Variants in QSOX2 observed in about 807,000 individuals in gnomAD.
QSOX2 encodes sulfhydryl oxidase 2.
In QSOX2, 46 loss-of-function variants were observed where a neutral mutation model predicts 61.7. The ratio of observed to expected loss-of-function variants is 0.75; its 90% CI spans 0.59 to 0.95. The LOEUF (loss-of-function observed/expected upper bound fraction) is 0.95, where lower values mean the gene tolerates loss of function less well. QSOX2 is among the 40% of genes least tolerant of loss of function. The pLI, the probability that QSOX2 is intolerant of heterozygous loss-of-function variation, is 0.00. For missense variants in QSOX2, 879 were observed against 918.9 expected, an observed-to-expected ratio of 0.96 and a Z score of 0.56; for synonymous variants, 383 against 388.4, an observed-to-expected ratio of 0.99 and a Z score of 0.16.
intron 1 of QSOX2, among the ~76,000 whole-genome samples, chr9:136,237,441 C>CCTG (rs1588641424): frequency 2.0e-5 from 3 of 150,050 alleles, no homozygotes; most frequent in Admixed American, 6.6e-5. Flanking sequence ...CCGTCCTGTG[C>CCTG]CACACCTGGA....
intron 7 of QSOX2, 54 bp downstream of exon 7, chr9:136,218,976 C>A (rs1006708210): frequency 3.1e-6 from 5 of 1,597,012 alleles, no homozygotes; most frequent in Admixed American, 3.4e-5. Context: ...AAGCACGCAG[C>A]CTTCGGTCTA....
At chr9:136,242,557 C>G (rs1830441208) in intron 1 of QSOX2, among the ~76,000 whole-genome samples, 1 of 152,274 alleles carries the variant, frequency 6.6e-6, no homozygotes. Context: ...CATAAGAAAA[C>G]ATGAGAATGT....
At chr9:136,215,377 G>A in intron 9 of QSOX2, 73 bp from the exon 10 acceptor site, 1 of 1,235,902 alleles carries the variant, frequency 8.1e-7, no homozygotes. Context: ...GTCGACAGCT[G>A]CCTTCTTGAC....
Position 136,221,960 on chromosome 9 carries a change from A to G in QSOX2, c.676-19T>C, listed in dbSNP as rs1830220226. 1 of 1,559,360 alleles carries G rather than the reference A, an allele frequency of 6.4e-7. No homozygotes were observed. Among genetic ancestry groups the G allele is most frequent in the African/African-American group, 1.4e-5 (1 of 73,010 alleles). On this transcript the variant is annotated intron_variant, in intron 5 of 11. Coordinates refer to ENST00000358701, the MANE Select transcript of QSOX2 (RefSeq NM_181701.4). The surrounding 1 kb of genome is among the most constrained non-coding windows in gnomAD (Gnocchi z 4.5). The stretch of plus-strand genomic sequence containing the variant: ...AGATCACCTGGGGGATGAGAACACA[A>G]TGACACTTCCACAGGGGCTGGCAGT...
chr9:136,230,665 G>T (rs1372001125), intron 1 of QSOX2, among the ~76,000 whole-genome samples: 1 of 152,196 alleles, frequency 6.6e-6, no homozygotes, highest in Non-Finnish European at 1.5e-5. Context: ...AATGTCTGCT[G>T]GTTGTTTCTA....
chr9:136,212,937 G>A (rs766383353), intron 10 of QSOX2, among the ~76,000 whole-genome samples: 8 of 152,210 alleles, frequency 5.3e-5, no homozygotes, highest in Non-Finnish European at 7.3e-5. Context: ...GCTGATGGGC[G>A]GAAGGAGCGC....
intron 1 of QSOX2, among the ~76,000 whole-genome samples, chr9:136,230,018 C>T (rs531030870): frequency 6.6e-6 from 1 of 151,862 alleles, no homozygotes; most frequent in Non-Finnish European, 1.5e-5. Flanking sequence ...TGGTGGCTCA[C>T]GCCTGTAATC....
At chr9:136,239,469 C>A (rs12551684) in intron 1 of QSOX2, among the ~76,000 whole-genome samples, 1 of 152,224 alleles carries the variant, frequency 6.6e-6, no homozygotes, top group Non-Finnish European at 1.5e-5. Flanking sequence ...TGTTGACTGT[C>A]TGCTACTCCC....
chr9:136,234,534 T>C (rs1039016588), intron 1 of QSOX2, among the ~76,000 whole-genome samples: 3 of 152,170 alleles, frequency 2.0e-5, no homozygotes, highest in African/African-American at 7.2e-5. Context: ...AAATTCTTCT[T>C]GGCCTGACAG....
Position 136,222,125 on chromosome 9 carries a change from C to T in QSOX2, c.676-184G>A, listed in dbSNP as rs776272898. On this transcript the variant is annotated intron_variant, in intron 5 of 11. Coordinates refer to ENST00000358701, the MANE Select transcript of QSOX2 (RefSeq NM_181701.4). The surrounding 1 kb of genome is among the most constrained non-coding windows in gnomAD (Gnocchi z 6.9). ...ACTTTAAGGCAACTGACGGCACACA[C>T]GCCATGAGCAGAAACCACGGTCTTA... Among the ~76,000 whole-genome samples, 13 of 152,194 alleles carry T rather than the reference C, an allele frequency of 8.5e-5. No individual in the cohort carries two copies. Among genetic ancestry groups the T allele is most frequent in the African/African-American group, 2.2e-4 (9 of 41,440 alleles).
intron 9 of QSOX2, among the ~76,000 whole-genome samples, chr9:136,216,024 T>C (rs979322760): frequency 6.6e-6 from 1 of 152,220 alleles, no homozygotes; most frequent in African/African-American, 2.4e-5. Flanking sequence ...GCACGACAAG[T>C]GCACCTTACA....
chr9:136,231,332 T>C (rs1356406108), intron 1 of QSOX2, among the ~76,000 whole-genome samples: 1 of 152,236 alleles, frequency 6.6e-6, no homozygotes, highest in African/African-American at 2.4e-5. Flanking sequence ...GCAGGTGACA[T>C]GCTGCAGCCC....
At chr9:136,243,870 T>C (rs977163881) in intron 1 of QSOX2, among the ~76,000 whole-genome samples, 2 of 152,166 alleles carry the variant, frequency 1.3e-5, no homozygotes, top group African/African-American at 2.4e-5. Context: ...ACAGTCAGCC[T>C]CACTAAAGGA....
intron 1 of QSOX2, among the ~76,000 whole-genome samples, chr9:136,232,518 C>G (rs559233575): frequency 6.6e-6 from 1 of 152,184 alleles, no homozygotes; most frequent in East Asian, 1.9e-4. Context: ...TTATCATTTA[C>G]TACCACAAAA....
chr9:136,238,461 G>A (rs539962185), intron 1 of QSOX2, among the ~76,000 whole-genome samples: 33 of 152,290 alleles, frequency 2.2e-4, no homozygotes, highest in East Asian at 1.2e-3. Context: ...TTTGTTCCCC[G>A]AGGATCCCTC....
In QSOX2 at chr9:136,223,447, A is replaced by T. The variant is rs1417822356; in HGVS notation, c.675+316T>A. ...TAGTAATAATGCATACAAAATACAG[A>T]ATGACCTCAAGGTGAGCTGGGCGTG... On this transcript the variant is annotated intron_variant, in intron 5 of 11. Coordinates refer to ENST00000358701, the MANE Select transcript of QSOX2 (RefSeq NM_181701.4). The surrounding 1 kb of genome is among the most constrained non-coding windows in gnomAD (Gnocchi z 4.4). Among the ~76,000 whole-genome samples the T allele has an allele frequency of 6.6e-6, 1 of 152,130 alleles. No individual in the cohort carries two copies. The highest frequency in any genetic ancestry group is 2.4e-5 in the African/African-American group (1 of 41,422).
chr9:136,215,071 C>T, intron 10 of QSOX2, 83 bp downstream of exon 10: 4 of 1,480,330 alleles, frequency 2.7e-6, no homozygotes, highest in Non-Finnish European at 3.6e-6. Context: ...TCCCATACAG[C>T]AGTACATGCC....
In QSOX2 at chr9:136,221,738, G is replaced by A; in HGVS notation, c.821+58C>T. 1 of 1,510,738 alleles carries A rather than the reference G, an allele frequency of 6.6e-7. No individual in the cohort carries two copies. The highest frequency in any genetic ancestry group is 2.4e-5 in the East Asian group (1 of 42,188). The allele number at this position is 1,510,738 out of a possible 1,614,324, so 93.6% of individuals were successfully genotyped here. On this transcript the variant is annotated intron_variant, in intron 6 of 11. Coordinates refer to ENST00000358701, the MANE Select transcript of QSOX2 (RefSeq NM_181701.4). The surrounding 1 kb of genome is among the most constrained non-coding windows in gnomAD (Gnocchi z 4.5). ...ACCAGACTTGCACTGTCTACTCGGA[G>A]CCTCTGTCCGGTAACTCCGAGCGGC... is the stretch of plus-strand genomic sequence containing the variant.
Position 136,208,588 on chromosome 9 carries a change from G to A in QSOX2, c.*140C>T, listed in dbSNP as rs904849250. On this transcript the variant is annotated 3_prime_UTR_variant, in exon 12 of 12. Transcript: ENST00000358701. ...AGAGCGTTTGTAAAACCAGGACTTT[G>A]AAGCCAAAAGGTGCCATCCGATGTG... 4 of 996,518 alleles carry A rather than the reference G, an allele frequency of 4.0e-6. No homozygotes were observed. The highest frequency in any genetic ancestry group is 4.2e-6 in the Non-Finnish European group (3 of 710,828). The allele number at this position is 996,518 out of a possible 1,614,324, so 61.7% of individuals were successfully genotyped here.
Sources: gnomAD v4.1 joint callset for allele counts (sites outside exome capture counted in the v4.1 genomes callset) on GRCh38, gnomAD v4.1.1 for gene constraint, Gnocchi (gnomAD v3.1) non-coding constraint, MANE v1.5 for transcripts, NCBI Gene and HGNC (gene_info 2026-07-23, HGNC 2026-07-21) for gene names.